The following ENTREP2 variants were observed in gnomAD, a reference collection of about 807,000 sequenced individuals.
The protein encoded by ENTREP2 is protein ENTREP2.
chr15:29,306,739 C>G, the ENTREP2 span, among the ~76,000 whole-genome samples: 1 of 123,422 alleles, frequency 8.1e-6, no homozygotes, highest in Non-Finnish European at 1.6e-5. Context: ...ACCCAGGCTG[C>G]AGTGCAGTGG....
the ENTREP2 span, among the ~76,000 whole-genome samples, chr15:29,183,079 A>T: frequency 6.6e-6 from 1 of 152,206 alleles, no homozygotes; most frequent in Non-Finnish European, 1.5e-5. Flanking sequence ...AAAATGCAAC[A>T]CTAAAAGGAC....
At chr15:29,444,174 GAAAGAAAGAAAGAAAGAA>G in the ENTREP2 span, among the ~76,000 whole-genome samples, 166 of 29,730 alleles carry the variant, frequency 5.6e-3, 3 homozygotes, top group African/African-American at 0.021. Flanking sequence ...GACAGACAAA[GAAAGAAAGAAAGAAAGAA>G]AGAAAGAAAG....
the ENTREP2 span, among the ~76,000 whole-genome samples, chr15:29,380,605 T>C: frequency 6.6e-6 from 1 of 152,066 alleles, no homozygotes. Flanking sequence ...CTCAGGGCAT[T>C]TTTCCGAGGG....
chr15:29,397,877 A>T, the ENTREP2 span, among the ~76,000 whole-genome samples: 1 of 152,178 alleles, frequency 6.6e-6, no homozygotes, highest in African/African-American at 2.4e-5. Flanking sequence ...AAAATATCAC[A>T]AAAATAAGGA....
chr15:29,240,191 T>C, the ENTREP2 span, among the ~76,000 whole-genome samples: 30 of 150,688 alleles, frequency 2.0e-4, no homozygotes, highest in South Asian at 5.6e-3. Context: ...GTAGAAACCC[T>C]GTCTCTACTA....
At chr15:29,586,003 C>A in the ENTREP2 span, among the ~76,000 whole-genome samples, 1 of 151,944 alleles carries the variant, frequency 6.6e-6, no homozygotes, top group African/African-American at 2.4e-5. Flanking sequence ...TATTTTCGCA[C>A]AAAAACTAAT....
At chr15:29,289,885 C>A in the ENTREP2 span, among the ~76,000 whole-genome samples, 1 of 152,158 alleles carries the variant, frequency 6.6e-6, no homozygotes, top group South Asian at 2.1e-4. Flanking sequence ...AAGTTCACAG[C>A]AGCATTATTT....
At chr15:29,442,564 A>G in the ENTREP2 span, among the ~76,000 whole-genome samples, 2 of 152,170 alleles carry the variant, frequency 1.3e-5, no homozygotes, top group Non-Finnish European at 2.9e-5. Context: ...TCATCAGGAA[A>G]ACACATGTTC....
At chr15:29,557,120 T>A in the ENTREP2 span, among the ~76,000 whole-genome samples, 55,613 of 152,022 alleles carry the variant, frequency 0.37, 10,218 homozygotes, top group East Asian at 0.48. Context: ...ATGTGTCAGA[T>A]ATCTAGAACA....
chr15:29,390,387 G>A, the ENTREP2 span, among the ~76,000 whole-genome samples: 1 of 152,050 alleles, frequency 6.6e-6, no homozygotes, highest in African/African-American at 2.4e-5. Flanking sequence ...AAAACGAAGA[G>A]GGTTGGGGAA....
the ENTREP2 span, among the ~76,000 whole-genome samples, chr15:29,254,343 C>T: frequency 2.6e-5 from 4 of 152,042 alleles, no homozygotes; most frequent in African/African-American, 7.2e-5. Flanking sequence ...TGATTCTTGA[C>T]GATACAAATG....
At chr15:29,224,788 C>T in the ENTREP2 span, among the ~76,000 whole-genome samples, 3 of 152,232 alleles carry the variant, frequency 2.0e-5, no homozygotes, top group Non-Finnish European at 4.4e-5. Context: ...CCCTGCTGGG[C>T]ACCCACACTC....
chr15:29,449,105 GAA>G, the ENTREP2 span, among the ~76,000 whole-genome samples: 1 of 152,352 alleles, frequency 6.6e-6, no homozygotes, highest in Middle Eastern at 3.4e-3. Flanking sequence ...GAATGAGAAA[GAA>G]AGAGTAGTGG....
the ENTREP2 span, among the ~76,000 whole-genome samples, chr15:29,657,770 C>T: frequency 2.9e-3 from 434 of 152,212 alleles, 2 homozygotes; most frequent in Non-Finnish European, 4.9e-3. Context: ...CCCCAAGTCT[C>T]CACTAGACCC....
the ENTREP2 span, among the ~76,000 whole-genome samples, chr15:29,286,028 T>C: frequency 6.6e-6 from 1 of 152,122 alleles, no homozygotes; most frequent in African/African-American, 2.4e-5. Flanking sequence ...CAAAACAAAA[T>C]TTAGCAGGCT....
At chr15:29,421,814 G>C in the ENTREP2 span, among the ~76,000 whole-genome samples, 13 of 152,146 alleles carry the variant, frequency 8.5e-5, no homozygotes, top group African/African-American at 3.1e-4. Context: ...ATGGGAAAAA[G>C]CAAATCTGAT....
At chr15:29,391,425 C>G in the ENTREP2 span, among the ~76,000 whole-genome samples, 1 of 151,988 alleles carries the variant, frequency 6.6e-6, no homozygotes, top group South Asian at 2.1e-4. Flanking sequence ...ATTATCTTCT[C>G]AAGCAGAAGC....
At chr15:29,130,620 C>T in the ENTREP2 span, among the ~76,000 whole-genome samples, 1 of 152,176 alleles carries the variant, frequency 6.6e-6, no homozygotes, top group Non-Finnish European at 1.5e-5. Context: ...ACTGGATTCA[C>T]TTCATGTTGT....
chr15:29,629,571 CTTTA>C, the ENTREP2 span, among the ~76,000 whole-genome samples: 1 of 152,168 alleles, frequency 6.6e-6, no homozygotes, highest in Non-Finnish European at 1.5e-5. Context: ...CTTTACTTCC[CTTTA>C]TTTCCCTTTG....
Sources: gnomAD v4.1 joint callset for allele counts (sites outside exome capture counted in the v4.1 genomes callset) on GRCh38, gnomAD v4.1.1 for gene constraint, MANE v1.5 for transcripts, NCBI Gene and HGNC (gene_info 2026-07-23, HGNC 2026-07-21) for gene names.